Variants in DHRS4L2 observed in about 807,000 individuals in gnomAD.
The protein encoded by DHRS4L2 is dehydrogenase/reductase 4 like 2, also known as dehydrogenase/reductase SDR family member 4-like 2.
Under a neutral mutation model 23.9 loss-of-function variants are expected in DHRS4L2, and 22 were observed. The observed-to-expected ratio is 0.92, with a 90% CI of 0.66 to 1.31. The LOEUF (loss-of-function observed/expected upper bound fraction) is 1.31. Ranked by LOEUF, DHRS4L2 falls within the 40% of genes most tolerant of loss-of-function variation. The pLI, the probability that DHRS4L2 is intolerant of heterozygous loss-of-function variation, is 0.00. For synonymous variants in DHRS4L2, 141 were observed against 123.7 expected (o/e 1.14, Z -0.93); for missense variants, 385 against 303.3 (o/e 1.27, Z -2.00).
chr14:23,975,174 A>G (rs2033943376), intron 1 of DHRS4L2, among the ~76,000 whole-genome samples: 1 of 151,690 alleles, frequency 6.6e-6, no homozygotes, highest in South Asian at 2.1e-4. Context: ...TTCACCGTAT[A>G]TTTAGAAACC....
At chr14:23,986,809 C>T (rs1348654390), upstream of DHRS4L2, among the ~76,000 whole-genome samples, 2 of 151,570 alleles carry the variant, frequency 1.3e-5, no homozygotes, top group Admixed American at 6.6e-5. Context: ...TACCCTCCCC[C>T]CAGCCCCACA....
intron 2 of DHRS4L2, among the ~76,000 whole-genome samples, chr14:23,992,182 T>C (rs1482804703): frequency 2.6e-5 from 4 of 151,398 alleles, no homozygotes; most frequent in Non-Finnish European, 5.9e-5. Context: ...CTGGCTCTGG[T>C]AGGAAGGATA....
At chr14:24,001,950 T>A in intron 6 of DHRS4L2, among the ~76,000 whole-genome samples, 1 of 38,594 alleles carries the variant, frequency 2.6e-5, no homozygotes, top group Non-Finnish European at 3.7e-5. Context: ...TTCTTCACTT[T>A]CCTCTTCTTT....
At chr14:23,993,925 T>C (rs1037316160) in intron 2 of DHRS4L2, among the ~76,000 whole-genome samples, 2 of 151,634 alleles carry the variant, frequency 1.3e-5, no homozygotes, top group Non-Finnish European at 2.9e-5. Context: ...CCTCACTTCT[T>C]CCACTACTGA....
intron 3 of DHRS4L2, among the ~76,000 whole-genome samples, chr14:23,995,995 T>C (rs2034376039): frequency 6.6e-6 from 1 of 151,770 alleles, no homozygotes. Flanking sequence ...ATGGTGCCAG[T>C]ATCTGCTTCT....
upstream of DHRS4L2, chr14:23,988,706 C>G (rs2034197709): frequency 1.2e-5 from 14 of 1,193,104 alleles, no homozygotes; most frequent in Non-Finnish European, 1.5e-5. Flanking sequence ...GCAACTTGAA[C>G]GGAGAGCGCT....
upstream of DHRS4L2, among the ~76,000 whole-genome samples, chr14:23,985,712 C>CT (rs2034127400): frequency 6.6e-6 from 1 of 151,482 alleles, no homozygotes. Context: ...TCTTGTTCCT[C>CT]TTCTTTTTTT....
At chr14:23,982,030 G>A (rs1014309788) in intron 1 of DHRS4L2, among the ~76,000 whole-genome samples, 5 of 150,646 alleles carry the variant, frequency 3.3e-5, no homozygotes, top group African/African-American at 1.2e-4. Context: ...AACTGCAAGA[G>A]GCCTTCCTCT....
chr14:23,972,847 T>G (rs754825835), intron 1 of DHRS4L2, among the ~76,000 whole-genome samples: 7 of 151,184 alleles, frequency 4.6e-5, no homozygotes, highest in Non-Finnish European at 8.8e-5. Context: ...AGCAATAGAA[T>G]CTACATCATA....
At chr14:23,971,943 C>T (rs1051077962) in intron 1 of DHRS4L2, among the ~76,000 whole-genome samples, 3 of 152,028 alleles carry the variant, frequency 2.0e-5, no homozygotes, top group African/African-American at 4.8e-5. Context: ...AAATAACCAG[C>T]TAACGTCATG....
chr14:23,993,683 C>T (rs750283072), intron 2 of DHRS4L2, among the ~76,000 whole-genome samples: 5 of 151,732 alleles, frequency 3.3e-5, no homozygotes, highest in African/African-American at 4.8e-5. Context: ...TGCCTTTCTT[C>T]GCTTTCTCAA....
At chr14:23,984,998 AG>A (rs1042530439), upstream of DHRS4L2, among the ~76,000 whole-genome samples, 1 of 151,150 alleles carries the variant, frequency 6.6e-6, no homozygotes, top group Non-Finnish European at 1.5e-5. Flanking sequence ...ATAGGGAGAA[AG>A]GGGTGGTTGT....
intron 1 of DHRS4L2, among the ~76,000 whole-genome samples, chr14:23,972,623 C>T (rs1032347686): frequency 1.4e-4 from 22 of 151,850 alleles, no homozygotes; most frequent in African/African-American, 5.1e-4. Context: ...TCAGGTGGGA[C>T]AAGAGACTGA....
At chr14:23,970,351 TGGGGGGCGGG>T (rs2033827878) in intron 1 of DHRS4L2, 1 of 363,354 alleles carries the variant, frequency 2.8e-6, no homozygotes, top group Non-Finnish European at 5.4e-6. Context: ...GAGAGGGCGG[TGGGGGGCGGG>T]GGGCCGAAAC....
At chr14:23,986,390 G>C (rs1422061718), upstream of DHRS4L2, among the ~76,000 whole-genome samples, 1 of 151,162 alleles carries the variant, frequency 6.6e-6, no homozygotes, top group Non-Finnish European at 1.5e-5. Flanking sequence ...GATAGCATTA[G>C]GAGGAATACC....
At chr14:23,992,049 G>C (rs1422821938) in intron 2 of DHRS4L2, among the ~76,000 whole-genome samples, 1 of 151,556 alleles carries the variant, frequency 6.6e-6, no homozygotes, top group Non-Finnish European at 1.5e-5. Context: ...CTTCTTAAAA[G>C]GATACGTTAA....
intron 6 of DHRS4L2, among the ~76,000 whole-genome samples, chr14:24,001,957 C>CTTGTTTTTTTTTTTTTTTTTTTTTTTTTT (rs2034497756): frequency 1.8e-4 from 1 of 5,516 alleles, no homozygotes; most frequent in Non-Finnish European, 2.2e-4. Context: ...CTTTCCTCTT[C>CTTGTTTTTTTTTTTTTTTTTTTTTTTTTT]TTTTTTTTTT....
intron 1 of DHRS4L2, among the ~76,000 whole-genome samples, chr14:23,972,683 C>G (rs1206720907): frequency 6.6e-6 from 1 of 151,930 alleles, no homozygotes; most frequent in Non-Finnish European, 1.5e-5. Flanking sequence ...AACAGTGAGT[C>G]CAGGGGACCG....
chr14:23,976,802 C>A (rs1282883109), intron 1 of DHRS4L2, among the ~76,000 whole-genome samples: 1 of 151,732 alleles, frequency 6.6e-6, no homozygotes, highest in East Asian at 1.9e-4. Context: ...GTGTCCTTTG[C>A]AGGGACATGG....
Sources: allele counts gnomAD v4.1 joint callset (sites outside exome capture counted in the v4.1 genomes callset), GRCh38; gene constraint gnomAD v4.1.1; transcripts MANE v1.5; gene names NCBI Gene and HGNC (gene_info 2026-07-23, HGNC 2026-07-21).